Variants in COG5 observed in about 807,000 individuals in gnomAD.
COG5 encodes the protein conserved oligomeric Golgi complex subunit 5.
COG5 carries 86 observed loss-of-function variants against 110.4 expected under a neutral mutation model. The observed-to-expected ratio is 0.78, with a 90% CI of 0.65 to 0.93. The LOEUF (loss-of-function observed/expected upper bound fraction) is 0.93. Ranked by LOEUF, COG5 falls within the 40% of genes least tolerant of loss-of-function variation. COG5 has a pLI of 0.00. For synonymous variants in COG5, 360 were observed against 334.6 expected (o/e 1.08, Z -0.83); for missense variants, 1,077 against 987.0 (o/e 1.09, Z -1.22).
At chr7:107,320,871 T>C (rs756383566) in intron 11 of COG5, among the ~76,000 whole-genome samples, 3 of 152,146 alleles carry the variant, frequency 2.0e-5, no homozygotes, top group East Asian at 1.9e-4. Context: ...AAAACCATGA[T>C]TGGTTAAGTA....
At chr7:107,389,870 A>T (rs1319344729) in intron 7 of COG5, among the ~76,000 whole-genome samples, 1 of 152,140 alleles carries the variant, frequency 6.6e-6, no homozygotes, top group East Asian at 1.9e-4. Flanking sequence ...ACATATCATA[A>T]TTCCAGTAAT....
At chr7:107,467,825 T>C (rs1052571306) in intron 6 of COG5, among the ~76,000 whole-genome samples, 2 of 152,206 alleles carry the variant, frequency 1.3e-5, no homozygotes, top group African/African-American at 2.4e-5. Flanking sequence ...TACTAAGCAC[T>C]GTACACAATA....
intron 5 of COG5, among the ~76,000 whole-genome samples, chr7:107,537,279 T>C (rs1425010221): frequency 6.6e-6 from 1 of 152,110 alleles, no homozygotes; most frequent in Non-Finnish European, 1.5e-5. Context: ...ACTATAAAGA[T>C]ACACACACAC....
At chr7:107,397,784 T>C (rs1275216686) in intron 7 of COG5, among the ~76,000 whole-genome samples, 1 of 152,144 alleles carries the variant, frequency 6.6e-6, no homozygotes, top group Admixed American at 6.6e-5. Flanking sequence ...AATCACACTT[T>C]CATAATCCCT....
intron 17 of COG5, among the ~76,000 whole-genome samples, chr7:107,243,114 A>C (rs1801774749): frequency 6.6e-6 from 1 of 152,232 alleles, no homozygotes; most frequent in Non-Finnish European, 1.5e-5. Flanking sequence ...TAAGGACACT[A>C]CATAACGGTA....
rs758658805 is a variant in COG5 at position 107,532,277 on chromosome 7, G to A, written c.418-4920C>T. Among the ~76,000 whole-genome samples the A allele has an allele frequency of 3.3e-5, 5 of 151,990 alleles. 1 individual carries two copies. Among genetic ancestry groups the A allele is most frequent in the Admixed American group, 2.6e-4 (4 of 15,266 alleles). ...TCACCATGTTGGCCAGGCTGATCTC[G>A]AACTCCTGACCTCATGTGATCCACC... On this transcript the variant is annotated intron_variant, in intron 5 of 21. Transcript: ENST00000297135.
intron 6 of COG5, among the ~76,000 whole-genome samples, chr7:107,462,561 T>G (rs2129101938): frequency 6.8e-6 from 1 of 146,358 alleles, no homozygotes; most frequent in South Asian, 2.1e-4. Context: ...AACCCCAATA[T>G]GCTTTGAGCA....
At chr7:107,520,766 A>T (rs1044074424) in intron 6 of COG5, among the ~76,000 whole-genome samples, 1 of 152,216 alleles carries the variant, frequency 6.6e-6, no homozygotes, top group Non-Finnish European at 1.5e-5. Context: ...ACTACCATTA[A>T]CATTCTTCAC....
At chr7:107,425,343 C>CAA (rs35373213) in intron 6 of COG5, among the ~76,000 whole-genome samples, 152 of 111,292 alleles carry the variant, frequency 1.4e-3, no homozygotes, top group Non-Finnish European at 2.1e-3. Context: ...ACTCTGTCTC[C>CAA]AAAAAAAAAA....
chr7:107,261,251 C>T (rs1803321061), intron 14 of COG5, among the ~76,000 whole-genome samples: 1 of 152,034 alleles, frequency 6.6e-6, no homozygotes, highest in Admixed American at 6.6e-5. Context: ...ACAAGGAATA[C>T]TGTATGTTCT....
At chr7:107,515,829 T>C (rs1051591565) in intron 6 of COG5, among the ~76,000 whole-genome samples, 1 of 152,184 alleles carries the variant, frequency 6.6e-6, no homozygotes, top group Admixed American at 6.6e-5. Context: ...AATTATTAAA[T>C]CAATTCTCAG....
intron 17 of COG5, among the ~76,000 whole-genome samples, chr7:107,241,257 G>A (rs1801596288): frequency 1.3e-5 from 2 of 151,662 alleles, no homozygotes; most frequent in Admixed American, 1.3e-4. Flanking sequence ...GATCTAACTG[G>A]GACACTTCAG....
chr7:107,339,074 A>C (rs1346795992), intron 10 of COG5, among the ~76,000 whole-genome samples: 1 of 152,176 alleles, frequency 6.6e-6, no homozygotes, highest in Non-Finnish European at 1.5e-5. Context: ...TAAAAGACAC[A>C]GAATTGCAAA....
intron 14 of COG5, among the ~76,000 whole-genome samples, chr7:107,270,882 C>CTTTTTTG (rs1804210041): frequency 1.5e-5 from 1 of 68,726 alleles, no homozygotes; most frequent in African/African-American, 6.7e-5. Flanking sequence ...CTAACTAGAA[C>CTTTTTTG]TTTTTTTTTT....
chr7:107,210,960 C>T, intron 20 of COG5, 139 bp downstream of exon 20: 1 of 1,051,812 alleles, frequency 9.5e-7, no homozygotes, highest in African/African-American at 1.6e-5. Flanking sequence ...TTTCTAATAT[C>T]TATTCACTGT....
intron 10 of COG5, among the ~76,000 whole-genome samples, chr7:107,331,894 T>A (rs1024468453): frequency 4.1e-5 from 6 of 147,200 alleles, no homozygotes; most frequent in Non-Finnish European, 8.9e-5. Context: ...CAGGCTGGAG[T>A]ACAGTGGCAC....
intron 7 of COG5, among the ~76,000 whole-genome samples, chr7:107,400,114 G>A (rs181815560): frequency 2.6e-4 from 40 of 152,074 alleles, no homozygotes; most frequent in Non-Finnish European, 5.1e-4. Flanking sequence ...TTGTACTTGA[G>A]TGTTAATGCA....
At chr7:107,221,537 G>A (rs1216594744) in intron 19 of COG5, among the ~76,000 whole-genome samples, 2 of 152,048 alleles carry the variant, frequency 1.3e-5, no homozygotes, top group South Asian at 2.1e-4. Flanking sequence ...GGCCGAGGCA[G>A]GCAGATCATG....
chr7:107,249,710 G>C (rs1562933238), intron 16 of COG5, among the ~76,000 whole-genome samples: 8 of 129,788 alleles, frequency 6.2e-5, no homozygotes, highest in South Asian at 4.4e-4. Context: ...GTGTGTGTGT[G>C]TGTGTGTGTG....
Sources: allele counts gnomAD v4.1 joint callset (sites outside exome capture counted in the v4.1 genomes callset), GRCh38; gene constraint gnomAD v4.1.1; transcripts MANE v1.5; gene names NCBI Gene and HGNC (gene_info 2026-07-23, HGNC 2026-07-21).